HNRNPC: variants seen among roughly 807,000 people sequenced by gnomAD.
HNRNPC encodes the protein heterogeneous nuclear ribonucleoproteins C1/C2.
A neutral mutation model predicts 33.2 loss-of-function variants in HNRNPC; 3 were observed. That is an observed-to-expected ratio of 0.09 (90% CI 0.04 to 0.23). HNRNPC has a LOEUF of 0.23. HNRNPC is among the 10% of genes least tolerant of loss of function. HNRNPC has a pLI of 1.00. For synonymous variants in HNRNPC, 121 were observed against 126.7 expected (o/e 0.96, Z 0.30); for missense variants, 143 against 366.7 (o/e 0.39, Z 4.98).
At chr14:21,238,779 A>C (rs905997874) in intron 2 of HNRNPC, among the ~76,000 whole-genome samples, 3 of 152,164 alleles carry the variant, frequency 2.0e-5, no homozygotes, top group Non-Finnish European at 4.4e-5. Context: ...TAATAGTCGA[A>C]TAATGCTGTT....
intron 2 of HNRNPC, among the ~76,000 whole-genome samples, chr14:21,248,546 G>A (rs573419022): frequency 1.3e-5 from 2 of 152,142 alleles, no homozygotes; most frequent in East Asian, 1.9e-4. Context: ...AAGTGCCGCT[G>A]CTGCTACTGT....
At chr14:21,237,841 G>T (rs1894886464) in intron 2 of HNRNPC, among the ~76,000 whole-genome samples, 2 of 151,928 alleles carry the variant, frequency 1.3e-5, no homozygotes, top group African/African-American at 4.8e-5. Flanking sequence ...GAGCAATCTT[G>T]GCTCACTGCA....
At chr14:21,230,637 A>C in intron 4 of HNRNPC, 1 of 510,554 alleles carries the variant, frequency 2.0e-6, no homozygotes, top group South Asian at 2.7e-5. Flanking sequence ...ACAGAATGGT[A>C]AACTAAGCAT....
chr14:21,227,482 G>A (rs542745885), intron 5 of HNRNPC, among the ~76,000 whole-genome samples: 13 of 152,292 alleles, frequency 8.5e-5, no homozygotes, highest in East Asian at 1.9e-4. Context: ...CAATATATCC[G>A]ACAGTAACTA....
At chr14:21,231,272 T>C (rs1894080238) in intron 3 of HNRNPC, 200 bp from the exon 4 acceptor site, 4 of 671,764 alleles carry the variant, frequency 6.0e-6, no homozygotes, top group Non-Finnish European at 1.1e-5. Flanking sequence ...TAACTGTCAC[T>C]ACAGGCGGGC....
At chr14:21,250,121 C>T (rs1014880815) in intron 2 of HNRNPC, among the ~76,000 whole-genome samples, 32 of 151,932 alleles carry the variant, frequency 2.1e-4, no homozygotes, top group African/African-American at 7.3e-4. Flanking sequence ...GAGGTGGTGG[C>T]GCACACCTGT....
intron 2 of HNRNPC, among the ~76,000 whole-genome samples, chr14:21,256,306 G>C (rs1877191072): frequency 6.6e-6 from 1 of 151,970 alleles, no homozygotes; most frequent in East Asian, 1.9e-4. Context: ...CAAATTAGCT[G>C]GGCTTGGTGG....
At chr14:21,226,330 A>AGG (rs1893432388) in intron 5 of HNRNPC, among the ~76,000 whole-genome samples, 1 of 69,110 alleles carries the variant, frequency 1.4e-5, no homozygotes, top group South Asian at 4.7e-4. Flanking sequence ...TCCAAAAGAA[A>AGG]AAAAAAAAAA....
chr14:21,260,736 G>A (rs1357262158), intron 2 of HNRNPC, among the ~76,000 whole-genome samples: 2 of 152,048 alleles, frequency 1.3e-5, no homozygotes, highest in Non-Finnish European at 2.9e-5. Context: ...AGGCCGAGGC[G>A]GGCAGACCAT....
intron 2 of HNRNPC, among the ~76,000 whole-genome samples, chr14:21,259,031 GA>G (rs1369908583): frequency 4.6e-5 from 7 of 152,240 alleles, no homozygotes; most frequent in Middle Eastern, 3.4e-3. Flanking sequence ...CCCAAGACAG[GA>G]TCTTAAACAA....
intron 2 of HNRNPC, among the ~76,000 whole-genome samples, chr14:21,245,389 G>A (rs1368333531): frequency 6.6e-6 from 1 of 151,896 alleles, no homozygotes; most frequent in African/African-American, 2.4e-5. Flanking sequence ...CTAGCTACTC[G>A]CGAGGCGGAG....
intron 2 of HNRNPC, among the ~76,000 whole-genome samples, chr14:21,258,457 T>C (rs1877607977): frequency 6.6e-6 from 1 of 152,154 alleles, no homozygotes; most frequent in Non-Finnish European, 1.5e-5. Context: ...TGTTGAAATC[T>C]GCACCCTTAA....
intron 2 of HNRNPC, among the ~76,000 whole-genome samples, chr14:21,259,706 C>A (rs1007209769): frequency 8.6e-5 from 13 of 152,042 alleles, no homozygotes; most frequent in African/African-American, 3.1e-4. Flanking sequence ...TACCTTTGTC[C>A]AAGCCAGGTC....
rs762641614 is a variant in HNRNPC, at chr14:21,212,939, A to G, written c.523+21T>C. On this transcript the variant is annotated intron_variant, in intron 6 of 8. Transcript: ENST00000553300. Reference sequence around the variant, plus strand: ...TCAAAACACAAGAGATACCAAAATCACAAAATGAAATAATACATACACTTT... The same window carrying G: ...TCAAAACACAAGAGATACCAAAATCGCAAAATGAAATAATACATACACTTT... 2.4e-5 allele frequency: 39 copies of G among 1,613,038 alleles called. 1 individual carries two copies. In the Admixed American group the frequency reaches 6.3e-4, roughly 26 times the overall value.
rs1342851386 is a variant in HNRNPC, at chr14:21,222,653, GA to G, written c.365+7665del. 2.0e-5 allele frequency among the ~76,000 whole-genome samples: 3 copies of G among 152,246 alleles called. No homozygotes were observed. In the East Asian group the frequency reaches 5.8e-4, roughly 29 times the overall value. ...CCCGCCTGTAATCCCAGCACTTTGG[GA>G]GGCCGAGGCAGGCAGATCATGAGGT... is the stretch of plus-strand genomic sequence containing the variant. On this transcript the variant is annotated intron_variant, in intron 5 of 8. Coordinates refer to ENST00000553300, the MANE Select transcript of HNRNPC (RefSeq NM_004500.4).
At chr14:21,258,405 T>C (rs960309777) in intron 2 of HNRNPC, among the ~76,000 whole-genome samples, 3 of 151,258 alleles carry the variant, frequency 2.0e-5, no homozygotes, top group Admixed American at 2.0e-4. Flanking sequence ...AAAAAAAAAG[T>C]TCAACATATC....
At chr14:21,269,128 A>G (rs1879521607) in intron 1 of HNRNPC, among the ~76,000 whole-genome samples, 170 bp downstream of exon 1, 1 of 152,114 alleles carries the variant, frequency 6.6e-6, no homozygotes, top group Admixed American at 6.6e-5. Flanking sequence ...ACCTATACAG[A>G]GGCTGAGGCC....
rs1891513097 is a variant in HNRNPC, at chr14:21,210,799, C to G, written c.*424G>C. The G allele has an allele frequency of 5.4e-6, 1 of 184,768 alleles. No individual in the cohort carries two copies. Among genetic ancestry groups the G allele is most frequent in the South Asian group, 1.2e-4 (1 of 8,132 alleles). The allele number at this position is 184,768 out of a possible 1,614,324, so 11.4% of individuals were successfully genotyped here. On this transcript the variant is annotated 3_prime_UTR_variant, in exon 9 of 9. Transcript: ENST00000553300. ...ATGTGAGGGTGTAACACACATACTT[C>G]TAACTCAAAGCTGCTTTCAAGAGCT...
intron 3 of HNRNPC, among the ~76,000 whole-genome samples, chr14:21,233,389 G>C (rs537697609): frequency 6.6e-6 from 1 of 152,154 alleles, no homozygotes; most frequent in South Asian, 2.1e-4. Context: ...TAAAAACAAA[G>C]GTATGATAAT....
Sources: gnomAD v4.1 joint callset for allele counts (sites outside exome capture counted in the v4.1 genomes callset) on GRCh38, gnomAD v4.1.1 for gene constraint, MANE v1.5 for transcripts, NCBI Gene and HGNC (gene_info 2026-07-23, HGNC 2026-07-21) for gene names.